RPS6KA5: variants seen among roughly 807,000 people sequenced by gnomAD.
The protein encoded by RPS6KA5 is ribosomal protein S6 kinase alpha-5.
Under a neutral mutation model 85.5 loss-of-function variants are expected in RPS6KA5, and 27 were observed. That is an observed-to-expected ratio of 0.32 (90% CI 0.23 to 0.44). RPS6KA5 has a LOEUF of 0.44. RPS6KA5 is among the 20% of genes least tolerant of loss of function. RPS6KA5 has a pLI of 1.00. For missense variants in RPS6KA5, 811 were observed against 980.9 expected, an observed-to-expected ratio of 0.83 and a Z score of 2.31; for synonymous variants, 334 against 348.2, an observed-to-expected ratio of 0.96 and a Z score of 0.46.
At chr14:91,019,332 G>A (rs1041747128) in intron 1 of RPS6KA5, among the ~76,000 whole-genome samples, 1 of 152,148 alleles carries the variant, frequency 6.6e-6, no homozygotes, top group Non-Finnish European at 1.5e-5. Flanking sequence ...TCTATAATGT[G>A]GGTGAGTGTC....
intron 1 of RPS6KA5, among the ~76,000 whole-genome samples, chr14:91,013,038 C>G (rs979308142): frequency 1.3e-5 from 2 of 152,168 alleles, no homozygotes; most frequent in African/African-American, 4.8e-5. Flanking sequence ...TGTGAACATC[C>G]ATCCTCACAG....
In RPS6KA5 at chr14:90,947,520, T is replaced by C; in HGVS notation, c.425A>G (p.His142Arg). ...TGTGAAACGCTCTCTTTGAGAAAGA[T>C]GAGTAAAAAGTTCACCACCATTTAT... The part of the protein sequence containing the change: ...DYINGGELFT[H>R]LSQRERFTEH... Residue 142 changes from histidine (H) to arginine (R), a missense_variant, in exon 4 of 17, where the codon CAT becomes CGT. By Grantham distance (29) the His-to-Arg change is conservative. Transcript: ENST00000614987. 1.2e-6 allele frequency: 2 copies of C among 1,609,960 alleles called. No individual in the cohort carries two copies. Among genetic ancestry groups the C allele is most frequent in the Non-Finnish European group, 1.7e-6 (2 of 1,176,416 alleles).
At chr14:90,908,372 G>A (rs1014534349) in intron 7 of RPS6KA5, among the ~76,000 whole-genome samples, 4 of 152,190 alleles carry the variant, frequency 2.6e-5, no homozygotes, top group Non-Finnish European at 5.9e-5. Flanking sequence ...AGAACCACCA[G>A]TGATAGCCTA....
At chr14:90,950,611 C>T (rs1470191677) in intron 3 of RPS6KA5, among the ~76,000 whole-genome samples, 1 of 152,164 alleles carries the variant, frequency 6.6e-6, no homozygotes. Flanking sequence ...TGAATTTTGG[C>T]AAATACTGTT....
chr14:90,994,421 C>T (rs974418573), intron 2 of RPS6KA5, among the ~76,000 whole-genome samples: 1 of 151,956 alleles, frequency 6.6e-6, no homozygotes, highest in South Asian at 2.1e-4. Flanking sequence ...CGTAATATTA[C>T]AATCAAATCT....
At chr14:90,883,534 G>A (rs1287036648) in intron 14 of RPS6KA5, among the ~76,000 whole-genome samples, 1 of 151,746 alleles carries the variant, frequency 6.6e-6, no homozygotes, top group Non-Finnish European at 1.5e-5. Flanking sequence ...AATACATTTT[G>A]TCTTGATGTT....
At position 90,875,260 on chromosome 14, in the gene RPS6KA5, A is replaced by T; in HGVS notation, c.1937T>A (p.Phe646Tyr). 5 of 1,613,888 alleles carry T rather than the reference A, an allele frequency of 3.1e-6. No individual in the cohort carries two copies. The highest frequency in any genetic ancestry group is 4.2e-6 in the Non-Finnish European group (5 of 1,179,888). ...CTTCCAGGCTTCTCCTTCAAAGGAG[A>T]AATCTCCCTTTTTAATTTTCTTCAT... ...EIMKKIKKGD[F>Y]SFEGEAWKNV... Residue 646 changes from phenylalanine (F) to tyrosine (Y), a missense_variant, in exon 15 of 17, where the codon TTC becomes TAC. By Grantham distance (22) the Phe-to-Tyr change is conservative. Around this residue, in one of 3 missense-constraint regions of RPS6KA5, gnomAD observed 650 missense variants for 793.4 expected, o/e 0.82. Transcript: ENST00000614987.
intron 3 of RPS6KA5, among the ~76,000 whole-genome samples, chr14:90,953,188 G>A (rs770824249): frequency 2.0e-5 from 3 of 152,144 alleles, no homozygotes; most frequent in Admixed American, 2.0e-4. Context: ...ATTTTAATAT[G>A]GACATATATC....
chr14:91,028,800 G>A (rs1399967286), intron 1 of RPS6KA5, among the ~76,000 whole-genome samples: 2 of 152,206 alleles, frequency 1.3e-5, no homozygotes, highest in African/African-American at 2.4e-5. Flanking sequence ...TTACAGGCAT[G>A]AGCCACTGCG....
chr14:90,980,127 G>C (rs764934661), intron 2 of RPS6KA5, among the ~76,000 whole-genome samples: 3 of 152,108 alleles, frequency 2.0e-5, no homozygotes, highest in Non-Finnish European at 4.4e-5. Context: ...ACAACTTTTG[G>C]AACCTAACAA....
At chr14:90,893,481 G>C (rs576987106) in intron 13 of RPS6KA5, among the ~76,000 whole-genome samples, 2 of 152,030 alleles carry the variant, frequency 1.3e-5, no homozygotes, top group African/African-American at 4.8e-5. Flanking sequence ...GAGAAGAAAA[G>C]AATTCCATTT....
chr14:90,970,751 G>C (rs748406862), intron 3 of RPS6KA5, among the ~76,000 whole-genome samples: 3 of 152,046 alleles, frequency 2.0e-5, no homozygotes, highest in Non-Finnish European at 2.9e-5. Flanking sequence ...TATATCTCTT[G>C]TTGTAACCAT....
rs1345054839 is a variant in RPS6KA5 at position 91,000,979 on chromosome 14, T to A, written c.175+109A>T. On this transcript the variant is annotated intron_variant, in intron 2 of 16. Coordinates refer to ENST00000614987, the MANE Select transcript of RPS6KA5 (RefSeq NM_004755.4). ...GTTCTTTGACAGTTCTCCTAATGGA[T>A]TCCTCATGCTTTTTAAATTTTAATT... is the stretch of plus-strand genomic sequence containing the variant. 1.5e-5 allele frequency: 9 copies of A among 607,928 alleles called. 1 individual carries two copies. The highest frequency in any genetic ancestry group is 2.3e-5 in the Non-Finnish European group (8 of 350,086). 37.7% of individuals were successfully genotyped at this position (607,928 alleles called of 1,614,324 possible). A position where few individuals can be genotyped will look rare whatever the true frequency, so the allele number is the denominator to read the frequency against.
chr14:90,998,006 T>TG (rs1200645438), intron 2 of RPS6KA5, among the ~76,000 whole-genome samples: 6 of 55,198 alleles, frequency 1.1e-4, no homozygotes, highest in South Asian at 5.4e-4. Flanking sequence ...AGACTCTGTC[T>TG]GAAAAAAAAA....
intron 5 of RPS6KA5, among the ~76,000 whole-genome samples, chr14:90,928,373 T>TTTTC (rs1408798726): frequency 6.6e-6 from 1 of 151,896 alleles, no homozygotes; most frequent in East Asian, 1.9e-4. Context: ...AAAAAGAATA[T>TTTTC]GAAAGAAGCT....
chr14:90,999,736 C>T (rs1475946726), intron 2 of RPS6KA5, among the ~76,000 whole-genome samples: 2 of 152,290 alleles, frequency 1.3e-5, no homozygotes, highest in Admixed American at 6.5e-5. Flanking sequence ...AATTTCAGAA[C>T]AGTGACAGCA....
intron 1 of RPS6KA5, among the ~76,000 whole-genome samples, chr14:91,049,450 T>G (rs2042984197): frequency 6.6e-6 from 1 of 151,798 alleles, no homozygotes; most frequent in Non-Finnish European, 1.5e-5. Flanking sequence ...CCATCTCTAC[T>G]AAAAAATACA....
intron 3 of RPS6KA5, among the ~76,000 whole-genome samples, chr14:90,966,318 G>C (rs2140437771): frequency 6.6e-6 from 1 of 152,208 alleles, no homozygotes; most frequent in East Asian, 1.9e-4. Flanking sequence ...GGGGCTGCTA[G>C]AGAAGCAACA....
At chr14:91,015,947 C>G (rs893863109) in intron 1 of RPS6KA5, among the ~76,000 whole-genome samples, 2 of 152,198 alleles carry the variant, frequency 1.3e-5, no homozygotes, top group Non-Finnish European at 2.9e-5. Flanking sequence ...CTCATTCTAA[C>G]TGTTTAATCA....
Sources: gnomAD v4.1 joint callset for allele counts (sites outside exome capture counted in the v4.1 genomes callset) on GRCh38, gnomAD v4.1.1 for gene constraint, gnomAD v4.1.1 regional missense constraint, MANE v1.5 for transcripts, NCBI Gene and HGNC (gene_info 2026-07-23, HGNC 2026-07-21) for gene names.